The following KIF17 variants were observed in gnomAD, a reference collection of about 807,000 sequenced individuals.
The protein encoded by KIF17 is kinesin-like protein KIF17.
KIF17 carries 80 observed loss-of-function variants against 96.8 expected under a neutral mutation model. That is an observed-to-expected ratio of 0.83 (90% CI 0.69 to 1.00). KIF17 has a LOEUF of 1.00. KIF17 is among the 50% of genes least tolerant of loss of function. The pLI, the probability that KIF17 is intolerant of heterozygous loss-of-function variation, is 0.00. For synonymous variants in KIF17, 567 were observed against 587.5 expected, an observed-to-expected ratio of 0.97 and a Z score of 0.51; for missense variants, 1,280 against 1,372.9, an observed-to-expected ratio of 0.93 and a Z score of 1.07.
chr1:20,706,888 C>CA (rs113547608), intron 4 of KIF17, among the ~76,000 whole-genome samples: 50,749 of 144,584 alleles, frequency 0.35, 10,716 homozygotes, highest in Non-Finnish European at 0.49. Flanking sequence ...AATCCTGTCT[C>CA]AAAAAAAAAA....
chr1:20,701,355 C>A (rs984649156), intron 5 of KIF17, among the ~76,000 whole-genome samples: 6 of 152,068 alleles, frequency 3.9e-5, no homozygotes, highest in Non-Finnish European at 7.4e-5. Flanking sequence ...CGCTTGAACC[C>A]GGGAGGTGGA....
rs1029935388 is a variant in KIF17, at chr1:20,672,577, A to G, written c.2464-381T>C. Among the ~76,000 whole-genome samples the G allele has an allele frequency of 2.6e-5, 4 of 152,182 alleles. No individual in the cohort carries two copies. Among genetic ancestry groups the G allele is most frequent in the Non-Finnish European group, 5.9e-5 (4 of 68,042 alleles). ...GAGCCTTTGAGAAGTCCCCACATCC[A>G]ACACCACCGTTCTAAAGGATATCAG... On this transcript the variant is annotated intron_variant, in intron 11 of 14. Coordinates refer to ENST00000400463, the MANE Select transcript of KIF17 (RefSeq NM_001122819.3). This position sits in a 1 kb window ranked among gnomAD's most constrained non-coding sequence, Gnocchi z 4.3.
Position 20,686,081 on chromosome 1 carries a change from C to G in KIF17, c.1984G>C (p.Glu662Gln). 1 of 1,564,396 alleles carries G rather than the reference C, an allele frequency of 6.4e-7. No homozygotes were observed. The highest frequency in any genetic ancestry group is 1.2e-5 in the South Asian group (1 of 84,850). ...GGGAAGTCATCAGCCGCCTCGGCTT[C>G]GGGCCTGGCATCACTGGGCTCCAGC... is the stretch of plus-strand genomic sequence containing the variant. ...DLLEPSDARP[E>Q]AEAADDFPPR... The change falls in exon 9 of 15, where the codon GAA becomes CAA. Residue 662 changes from glutamate to glutamine, a missense_variant. Transcript: ENST00000400463.
At chr1:20,717,416 G>A (rs765684068) in intron 1 of KIF17, 60 bp downstream of exon 1, 12 of 1,587,258 alleles carry the variant, frequency 7.6e-6, no homozygotes, top group Non-Finnish European at 1.0e-5. Flanking sequence ...AGCCCCCTGG[G>A]GACTCTCGGG....
rs2053672448 is a variant in KIF17 at position 20,672,896 on chromosome 1, T to C, written c.2464-700A>G. On this transcript the variant is annotated intron_variant, in intron 11 of 14. Transcript: ENST00000400463. The surrounding 1 kb of genome is among the most constrained non-coding windows in gnomAD (Gnocchi z 4.3). Reference sequence around the variant, plus strand: ...CAAGACTACCTGGTGCACAGTCTGTTTCCTCAAAGAGCAGGTACAGTCTGA... The same window carrying C: ...CAAGACTACCTGGTGCACAGTCTGTCTCCTCAAAGAGCAGGTACAGTCTGA... 1 of 158,800 alleles carries C rather than the reference T, an allele frequency of 6.3e-6. No homozygotes were observed. The highest frequency in any genetic ancestry group is 1.8e-4 in the South Asian group (1 of 5,418). 9.8% of individuals were successfully genotyped at this position (158,800 alleles called of 1,614,324 possible). A position where few individuals can be genotyped will look rare whatever the true frequency, so the allele number is the denominator to read the frequency against.
intron 13 of KIF17, among the ~76,000 whole-genome samples, chr1:20,669,013 G>A (rs538174349): frequency 6.6e-6 from 1 of 152,204 alleles, no homozygotes; most frequent in African/African-American, 2.4e-5. Context: ...CCAAGAGGGG[G>A]TCCAGCTGCT....
chr1:20,691,515 A>T (rs1382147573), intron 6 of KIF17, among the ~76,000 whole-genome samples: 1 of 148,988 alleles, frequency 6.7e-6, no homozygotes, highest in Non-Finnish European at 1.5e-5. Context: ...GTGCAATGGC[A>T]TGATCTTGGC....
intron 1 of KIF17, 196 bp downstream of exon 1, chr1:20,717,280 C>G (rs915276458): frequency 1.6e-6 from 1 of 614,274 alleles, no homozygotes; most frequent in African/African-American, 1.9e-5. Context: ...GGGGATAGTG[C>G]AGACCCGGAG....
At chr1:20,679,341 G>A (rs1388403159) in intron 11 of KIF17, among the ~76,000 whole-genome samples, 6 of 152,068 alleles carry the variant, frequency 3.9e-5, no homozygotes, top group African/African-American at 1.2e-4. Flanking sequence ...TTAGCCAGGC[G>A]TGGTGGTGCA....
chr1:20,695,667 C>A (rs1014779412), intron 6 of KIF17, among the ~76,000 whole-genome samples: 9 of 150,942 alleles, frequency 6.0e-5, no homozygotes, highest in Non-Finnish European at 1.2e-4. Context: ...CCTTCCCACC[C>A]ACCTGGAGAT....
chr1:20,679,302 C>T (rs1459950727), intron 11 of KIF17, among the ~76,000 whole-genome samples: 5 of 151,918 alleles, frequency 3.3e-5, no homozygotes, highest in African/African-American at 7.3e-5. Flanking sequence ...AAGACCCCTC[C>T]GCTACAAAAA....
rs35835983 is a variant in KIF17 at position 20,715,540 on chromosome 1, T to C, written c.331A>G (p.Arg111Gly). The part of the protein sequence containing the change: ...MQGLPDPPSQ[R>G]GIIPRAFEHV... ...TCGAAGGCCCTGGGGATGATGCCTCTCTGGGAGGGCGGATCCGGCAGGCCC... is the reference window on the plus strand; with the variant it reads ...TCGAAGGCCCTGGGGATGATGCCTCCCTGGGAGGGCGGATCCGGCAGGCCC... Residue 111 changes from arginine (R) to glycine (G), a missense_variant, in exon 2 of 15, where the codon AGA becomes GGA. Arg to Gly is a moderately radical substitution (Grantham distance 125). Transcript: ENST00000400463. The C allele has an allele frequency of 0.014, 21,866 of 1,613,622 alleles. 233 individuals carry two copies. Among genetic ancestry groups the C allele is most frequent in the Non-Finnish European group, 0.015 (17,635 of 1,180,022 alleles).
At position 20,664,308 on chromosome 1, in the gene KIF17, C is replaced by T; in HGVS notation, c.*276G>A. 7.3e-6 allele frequency: 10 copies of T among 1,364,826 alleles called. No individual in the cohort carries two copies. The highest frequency in any genetic ancestry group is 9.5e-6 in the Non-Finnish European group (10 of 1,054,294). 84.5% of individuals were successfully genotyped at this position (1,364,826 alleles called of 1,614,324 possible). ...CAACACTGGTGGGCATGGGTGTGGG[C>T]TCTGTGGCAGGTGAGCAGACGGAAA... On this transcript the variant is annotated 3_prime_UTR_variant, in exon 15 of 15. Coordinates refer to ENST00000400463, the MANE Select transcript of KIF17 (RefSeq NM_001122819.3).
rs2053855355 is a variant in KIF17, at chr1:20,682,823, C to A, written c.2293G>T (p.Glu765Ter). Residue 765 changes from glutamate to a stop codon, truncating the protein, a stop_gained, in exon 11 of 15, where the codon GAG becomes TAG. Coordinates refer to ENST00000400463, the MANE Select transcript of KIF17 (RefSeq NM_001122819.3). LOFTEE classifies it high-confidence loss of function. ...GEQAKNKDLK[E>*]KHKRRKRYAD... Reference sequence around the variant, plus strand: ...TAGCGCTTGCGCCGCTTGTGCTTCTCCTTCAGGTCCTTGTTCTTGGCCTGC... The same window carrying A: ...TAGCGCTTGCGCCGCTTGTGCTTCTACTTCAGGTCCTTGTTCTTGGCCTGC... The A allele has an allele frequency of 6.2e-7, 1 of 1,612,504 alleles. No individual in the cohort carries two copies. Among genetic ancestry groups the A allele is most frequent in the African/African-American group, 1.3e-5 (1 of 74,952 alleles).
chr1:20,711,874 A>G (rs1227933028), intron 3 of KIF17, among the ~76,000 whole-genome samples: 2 of 152,168 alleles, frequency 1.3e-5, no homozygotes, highest in Admixed American at 1.3e-4. Context: ...ACTTAGGCAC[A>G]TGGAGCCTCA....
intron 6 of KIF17, 135 bp from the exon 7 acceptor site, chr1:20,690,470 CTG>C (rs2054019627): frequency 1.3e-6 from 1 of 762,348 alleles, no homozygotes; most frequent in Admixed American, 2.8e-5. Context: ...TGGTACAACA[CTG>C]TGATAATTAC....
chr1:20,679,242 G>GT (rs1199504337), intron 11 of KIF17, among the ~76,000 whole-genome samples: 1 of 151,966 alleles, frequency 6.6e-6, no homozygotes, highest in Non-Finnish European at 1.5e-5. Flanking sequence ...GACAGCCAGC[G>GT]TAACACAGCA....
Position 20,704,438 on chromosome 1 carries a change from T to C in KIF17, c.1123+9A>G, listed in dbSNP as rs2054302884. On this transcript the variant is annotated intron_variant, in intron 5 of 14. Coordinates refer to ENST00000400463, the MANE Select transcript of KIF17 (RefSeq NM_001122819.3). The surrounding 1 kb of genome is among the most constrained non-coding windows in gnomAD (Gnocchi z 6.8). Reference sequence around the variant, plus strand: ...TGGCCCTCCCGCCACTACCCCAACGTGGTCCCACCTGACAGGCTGCTGGGG... The same window carrying C: ...TGGCCCTCCCGCCACTACCCCAACGCGGTCCCACCTGACAGGCTGCTGGGG... The C allele has an allele frequency of 6.2e-7, 1 of 1,612,056 alleles. No homozygotes were observed. The highest frequency in any genetic ancestry group is 1.3e-5 in the African/African-American group (1 of 74,892).
At chr1:20,713,357 G>C in intron 3 of KIF17, 97 bp downstream of exon 3, 1 of 874,852 alleles carries the variant, frequency 1.1e-6, no homozygotes, top group Non-Finnish European at 1.8e-6. Context: ...CCCAGTGCCG[G>C]CACCCTCAGG....
Sources: gnomAD v4.1 joint callset for allele counts (sites outside exome capture counted in the v4.1 genomes callset) on GRCh38, gnomAD v4.1.1 for gene constraint, Gnocchi (gnomAD v3.1) non-coding constraint, MANE v1.5 for transcripts, NCBI Gene and HGNC (gene_info 2026-07-23, HGNC 2026-07-21) for gene names.